The following PCDH7 variants were observed in gnomAD, a reference collection of about 807,000 sequenced individuals.
The protein encoded by PCDH7 is protocadherin-7.
A neutral mutation model predicts 58.9 loss-of-function variants in PCDH7; 17 were observed. The observed-to-expected ratio is 0.29, with a 90% CI of 0.20 to 0.43. The LOEUF is 0.43. PCDH7 is among the 20% of genes least tolerant of loss of function. The pLI is 1.00. For missense variants in PCDH7, 1,274 were observed against 1,441.0 expected, an observed-to-expected ratio of 0.88 and a Z score of 1.88; for synonymous variants, 664 against 616.4, an observed-to-expected ratio of 1.08 and a Z score of -1.14.
intron 1 of PCDH7, among the ~76,000 whole-genome samples, chr4:30,784,707 A>T (rs916975211): frequency 6.6e-6 from 1 of 152,066 alleles, no homozygotes; most frequent in Admixed American, 6.6e-5. Flanking sequence ...AAAAGAAGAG[A>T]AATACTATTA....
At chr4:31,131,373 A>G (rs749262119) in intron 3 of PCDH7, among the ~76,000 whole-genome samples, 1 of 152,010 alleles carries the variant, frequency 6.6e-6, no homozygotes, top group Non-Finnish European at 1.5e-5. Flanking sequence ...ACCAGAGATC[A>G]TTTTCTTCCT....
rs556217312 is a variant in PCDH7, at chr4:30,730,938, T to C, written c.*150T>C. On this transcript the variant is annotated 3_prime_UTR_variant, in exon 2 of 2. Transcript: ENST00000361762. The stretch of plus-strand genomic sequence containing the variant: ...CATTTTATTTTTGAGTCTTTTTCTT[T>C]CTCATATACAGAAAAATAGTATGAA... The C allele has an allele frequency of 1.5e-4, 203 of 1,326,824 alleles. 2 individuals carry two copies. The East Asian group carries it at 5.5e-3, about 36-fold the overall frequency. The allele number at this position is 1,326,824 out of a possible 1,614,324, so 82.2% of individuals were successfully genotyped here. A position where few individuals can be genotyped will look rare whatever the true frequency, so the allele number is the denominator to read the frequency against.
chr4:31,130,931 G>C (rs1405502283), intron 3 of PCDH7, among the ~76,000 whole-genome samples: 1 of 152,084 alleles, frequency 6.6e-6, no homozygotes, highest in East Asian at 1.9e-4. Context: ...GGGGAATGAA[G>C]GTTTCAGATA....
chr4:30,971,811 A>C (rs1270226016), intron 3 of PCDH7, among the ~76,000 whole-genome samples: 5 of 152,124 alleles, frequency 3.3e-5, no homozygotes, highest in Non-Finnish European at 5.9e-5. Flanking sequence ...AATATACAAA[A>C]ATTAGCCGTG....
chr4:30,835,051 C>A (rs551063355), intron 1 of PCDH7, among the ~76,000 whole-genome samples: 6 of 152,084 alleles, frequency 3.9e-5, no homozygotes, highest in Non-Finnish European at 7.4e-5. Context: ...GGAGAGGTAG[C>A]TGAATTTGTC....
intron 2 of PCDH7, among the ~76,000 whole-genome samples, chr4:30,939,144 A>G (rs1198766467): frequency 6.6e-6 from 1 of 152,150 alleles, no homozygotes; most frequent in Non-Finnish European, 1.5e-5. Flanking sequence ...TGCCACTGCC[A>G]ATGCACAACA....
Position 31,134,806 on chromosome 4 carries a change from T to A in PCDH7, c.*8-7667T>A, listed in dbSNP as rs147763441. ...GGTCTCTGTCTCAAGTGGGGTTCCA[T>A]CTGCAAAGAGGCTAGACCATGCTTT... On this transcript the variant is annotated intron_variant, in intron 3 of 3. Transcript: ENST00000509759. 9.0e-3 allele frequency among the ~76,000 whole-genome samples: 1,377 copies of A among 152,242 alleles called. 11 individuals carry two copies. Among genetic ancestry groups the A allele is most frequent in the Non-Finnish European group, 0.014 (947 of 68,010 alleles).
intron 3 of PCDH7, among the ~76,000 whole-genome samples, chr4:30,985,915 AAATAACAAC>A (rs1750925372): frequency 6.6e-6 from 1 of 152,116 alleles, no homozygotes; most frequent in Non-Finnish European, 1.5e-5. Context: ...TTTAGATTTA[AAATAACAAC>A]AATAACAACA....
chr4:30,870,648 A>C (rs561179190), intron 1 of PCDH7, among the ~76,000 whole-genome samples: 1 of 152,222 alleles, frequency 6.6e-6, no homozygotes, highest in African/African-American at 2.4e-5. Flanking sequence ...TATTGCCTCC[A>C]GGAAGTGCGA....
chr4:31,142,557 T>C (rs779747517), exon 4 of PCDH7: 3 of 1,367,726 alleles, frequency 2.2e-6, no homozygotes, highest in South Asian at 1.1e-5. Context: ...TCCTGCTGGA[T>C]GCCGGTCCGC....
chr4:31,139,217 T>C (rs1719970427), intron 3 of PCDH7, among the ~76,000 whole-genome samples: 1 of 152,058 alleles, frequency 6.6e-6, no homozygotes, highest in Non-Finnish European at 1.5e-5. Context: ...CGTTGAGAAA[T>C]ACAGAAACAA....
chr4:30,976,188 G>A (rs1364538151), intron 3 of PCDH7, among the ~76,000 whole-genome samples: 2 of 151,874 alleles, frequency 1.3e-5, no homozygotes, highest in African/African-American at 2.4e-5. Flanking sequence ...TTTCGCTCTT[G>A]TTGCCCAGGG....
intron 3 of PCDH7, among the ~76,000 whole-genome samples, chr4:31,047,093 GT>G (rs996931872): frequency 1.3e-5 from 2 of 151,508 alleles, no homozygotes; most frequent in African/African-American, 2.4e-5. Context: ...TTTTTTGTTT[GT>G]TTTTTTTAAA....
intron 2 of PCDH7, among the ~76,000 whole-genome samples, chr4:30,931,017 G>A (rs528323727): frequency 2.6e-4 from 39 of 152,248 alleles, no homozygotes; most frequent in Non-Finnish European, 5.9e-5. Context: ...GAAGAAGTTA[G>A]CATTGGGAAA....
chr4:31,088,171 A>C (rs76156183), intron 3 of PCDH7, among the ~76,000 whole-genome samples: 2,702 of 152,194 alleles, frequency 0.018, 46 homozygotes, highest in South Asian at 0.044. Flanking sequence ...TTAGGCCCAT[A>C]GTAGACATTC....
At chr4:31,110,097 A>C (rs1417009674) in intron 3 of PCDH7, among the ~76,000 whole-genome samples, 2 of 152,188 alleles carry the variant, frequency 1.3e-5, no homozygotes, top group Non-Finnish European at 2.9e-5. Flanking sequence ...ACTTTCTCTG[A>C]ATTGTTTATT....
chr4:30,849,507 C>G (rs1286560775), intron 1 of PCDH7, among the ~76,000 whole-genome samples: 1 of 151,014 alleles, frequency 6.6e-6, no homozygotes, highest in Non-Finnish European at 1.5e-5. Flanking sequence ...CATGGATGAA[C>G]AATATGCATG....
chr4:31,116,655 A>T (rs1230734870), intron 3 of PCDH7, among the ~76,000 whole-genome samples: 3 of 152,240 alleles, frequency 2.0e-5, no homozygotes, highest in Non-Finnish European at 4.4e-5. Context: ...CAAGTTGAAT[A>T]CAGGAAGTTG....
intron 3 of PCDH7, among the ~76,000 whole-genome samples, chr4:30,988,544 G>T (rs2109120152): frequency 6.6e-6 from 1 of 152,178 alleles, no homozygotes; most frequent in Middle Eastern, 3.4e-3. Flanking sequence ...GTTGAAACAA[G>T]AAATATAAAT....
Sources: gnomAD v4.1 joint callset for allele counts (sites outside exome capture counted in the v4.1 genomes callset) on GRCh38, gnomAD v4.1.1 for gene constraint, MANE v1.5 for transcripts, NCBI Gene and HGNC (gene_info 2026-07-23, HGNC 2026-07-21) for gene names.